Variants in DNAH10 observed in about 807,000 individuals in gnomAD.
DNAH10 encodes the protein axonemal beta dynein heavy chain 10.
A neutral mutation model predicts 506.6 loss-of-function variants in DNAH10; 348 were observed. The observed-to-expected ratio is 0.69, with a 90% CI of 0.63 to 0.75. DNAH10 has a LOEUF of 0.75. DNAH10 is among the 30% of genes least tolerant of loss of function. DNAH10 has a pLI of 0.00. For missense variants in DNAH10, 5,179 were observed against 5,787.1 expected, an observed-to-expected ratio of 0.89 and a Z score of 3.41; for synonymous variants, 2,059 against 2,198.6, an observed-to-expected ratio of 0.94 and a Z score of 1.78.
At chr12:123,827,403 T>G (rs566761852) in intron 25 of DNAH10, among the ~76,000 whole-genome samples, 3 of 152,242 alleles carry the variant, frequency 2.0e-5, no homozygotes, top group African/African-American at 7.2e-5. Flanking sequence ...CAAAGTGCAA[T>G]GTGTATTTTA....
intron 43 of DNAH10, among the ~76,000 whole-genome samples, chr12:123,869,147 A>G (rs1951927269): frequency 6.6e-6 from 1 of 152,018 alleles, no homozygotes; most frequent in Non-Finnish European, 1.5e-5. Context: ...CTGCATCACA[A>G]ATCCTGCTCT....
Position 123,926,594 on chromosome 12 carries a change from C to A in DNAH10, c.11922-43C>A. On this transcript the variant is annotated intron_variant, in intron 68 of 78. Transcript: ENST00000673944. The surrounding 1 kb of genome is among the most constrained non-coding windows in gnomAD (Gnocchi z 4.1). ...AGACAGACCAGCCCCTGGTCTGGAG[C>A]TGTCCTCGCGGGAGAGTTTTCTGAC... The A allele has an allele frequency of 6.3e-7, 1 of 1,591,758 alleles. No homozygotes were observed. The highest frequency in any genetic ancestry group is 8.6e-7 in the Non-Finnish European group (1 of 1,168,370).
At chr12:123,872,657 C>T (rs1040860989) in intron 45 of DNAH10, among the ~76,000 whole-genome samples, 17 of 152,070 alleles carry the variant, frequency 1.1e-4, no homozygotes, top group African/African-American at 4.1e-4. Flanking sequence ...AAAAAATACC[C>T]TAGACCACCA....
intron 2 of DNAH10, among the ~76,000 whole-genome samples, chr12:123,767,913 A>C (rs1388641767): frequency 2.6e-5 from 4 of 152,138 alleles, no homozygotes; most frequent in Non-Finnish European, 5.9e-5. Context: ...GTATTCTCTC[A>C]CAACTCTGGA....
intron 59 of DNAH10, among the ~76,000 whole-genome samples, chr12:123,911,843 G>A (rs1466760130): frequency 1.5e-4 from 4 of 26,148 alleles, no homozygotes; most frequent in Non-Finnish European, 3.2e-4. Context: ...CTGTCCTGGG[G>A]GCATCTGTCC....
chr12:123,808,178 G>A (rs535308847), intron 18 of DNAH10, among the ~76,000 whole-genome samples: 358 of 152,250 alleles, frequency 2.4e-3, no homozygotes, highest in African/African-American at 8.3e-3. Flanking sequence ...GACCACAGGC[G>A]TGTGCCACTA....
chr12:123,897,650 A>G, intron 54 of DNAH10, 120 bp from the exon 55 acceptor site: 1 of 1,041,542 alleles, frequency 9.6e-7, no homozygotes. Flanking sequence ...ACCTGTGCCC[A>G]GGAGATGGAG....
chr12:123,884,918 T>G (rs556075807), intron 51 of DNAH10, among the ~76,000 whole-genome samples: 1 of 152,194 alleles, frequency 6.6e-6, no homozygotes, highest in Non-Finnish European at 1.5e-5. Context: ...ATACTTTTCT[T>G]TTTTTAAATT....
chr12:123,924,529 T>C (rs1321956654), intron 67 of DNAH10, 97 bp downstream of exon 67: 5 of 1,454,784 alleles, frequency 3.4e-6, no homozygotes, highest in South Asian at 1.4e-5. Flanking sequence ...AGACACTCCT[T>C]TGAGTAACCC....
At chr12:123,849,019 C>T in intron 34 of DNAH10, 137 bp downstream of exon 34, 1 of 1,117,214 alleles carries the variant, frequency 9.0e-7, no homozygotes, top group Non-Finnish European at 1.3e-6. Flanking sequence ...GTTGGTTTTT[C>T]CAATTGAGAT....
intron 5 of DNAH10, among the ~76,000 whole-genome samples, chr12:123,778,683 G>C (rs563210475): frequency 6.6e-6 from 1 of 151,512 alleles, no homozygotes; most frequent in Non-Finnish European, 1.5e-5. Context: ...GTGACAGAAA[G>C]AGACTCCATC....
chr12:123,865,311 T>A (rs1298586351), intron 40 of DNAH10, among the ~76,000 whole-genome samples: 1 of 152,110 alleles, frequency 6.6e-6, no homozygotes, highest in Non-Finnish European at 1.5e-5. Flanking sequence ...GTCGAGCCCC[T>A]TTATTTCCTG....
At chr12:123,776,038 C>A (rs1272563107) in intron 5 of DNAH10, among the ~76,000 whole-genome samples, 3 of 152,198 alleles carry the variant, frequency 2.0e-5, no homozygotes, top group Admixed American at 2.0e-4. Flanking sequence ...TGAGAACTCA[C>A]TCACTATCAT....
chr12:123,800,256 G>A lies in DNAH10; in HGVS notation c.2330G>A (p.Gly777Glu), dbSNP rs201599691. The A allele has an allele frequency of 1.2e-5, 20 of 1,613,888 alleles. No homozygotes were observed. The highest frequency in any genetic ancestry group is 1.6e-5 in the Non-Finnish European group (19 of 1,179,986). ...ATEEPSTLER[G>E]AVFAINFSPA... ...GAGGAGCCTTCGACTTTAGAAAGGGGAGCTGTTTTTGCAATCAACTTTTCA... is the reference window on the plus strand; with the variant it reads ...GAGGAGCCTTCGACTTTAGAAAGGGAAGCTGTTTTTGCAATCAACTTTTCA... Residue 777 changes from glycine to glutamate, a missense_variant, in exon 15 of 79, where the codon GGA becomes GAA. Physicochemically the swap from Gly to Glu is moderately conservative, Grantham distance 98 (BLOSUM62 -2). Around this residue, in one of 3 missense-constraint regions of DNAH10, gnomAD observed 4,844 missense variants for 5,430.5 expected, o/e 0.89. Transcript: ENST00000673944.
In DNAH10 at chr12:123,777,712, C is replaced by T. The variant is rs142062886; in HGVS notation, c.622-3368C>T. Among the ~76,000 whole-genome samples the T allele has an allele frequency of 3.8e-3, 581 of 152,340 alleles. 10 individuals carry two copies. The highest frequency in any genetic ancestry group is 0.013 in the African/African-American group (545 of 41,578). ...CTAGGCTGGAGTGCAGTGGCGCGAG[C>T]ATGGCTCACTGCAGCCTTAACCTCC... On this transcript the variant is annotated intron_variant, in intron 5 of 78. Transcript: ENST00000673944.
At chr12:123,929,237 G>C (rs1241585174) in intron 70 of DNAH10, 38 bp from the exon 71 acceptor site, 2 of 1,550,948 alleles carry the variant, frequency 1.3e-6, no homozygotes, top group African/African-American at 1.4e-5. Context: ...TTGTGGGCCT[G>C]CGGTCTCCAT....
chr12:123,870,237 C>A, intron 43 of DNAH10, 129 bp from the exon 44 acceptor site: 1 of 1,195,776 alleles, frequency 8.4e-7, no homozygotes, highest in Non-Finnish European at 1.2e-6. Context: ...AGTGAAGGAG[C>A]AGCATTGAAG....
rs367993569 is a variant in DNAH10, at chr12:123,914,834, A to C, written c.10575-18A>C. 6.2e-7 allele frequency: 1 copy of C among 1,611,434 alleles called. No homozygotes were observed. Among genetic ancestry groups the C allele is most frequent in the African/African-American group, 1.3e-5 (1 of 74,926 alleles). The stretch of plus-strand genomic sequence containing the variant: ...AATTGGTGAGAAAAATTCATTTCCC[A>C]ATGGCTGTTTCTTCCAGATGGGGAT... On this transcript the variant is annotated intron_variant, in intron 61 of 78. Coordinates refer to ENST00000673944, the MANE Select transcript of DNAH10 (RefSeq NM_001372106.1).
At chr12:123,876,809 A>G (rs1952274765) in intron 47 of DNAH10, among the ~76,000 whole-genome samples, 1 of 152,034 alleles carries the variant, frequency 6.6e-6, no homozygotes, top group Non-Finnish European at 1.5e-5. Context: ...AAAAAATATG[A>G]AACATTAGCC....
Sources: allele counts gnomAD v4.1 joint callset (sites outside exome capture counted in the v4.1 genomes callset), GRCh38; gene constraint gnomAD v4.1.1; regional missense constraint gnomAD v4.1.1; non-coding constraint Gnocchi (gnomAD v3.1); transcripts MANE v1.5; gene names NCBI Gene and HGNC (gene_info 2026-07-23, HGNC 2026-07-21).